Variants in CTNNA3 observed in about 807,000 individuals in gnomAD.
CTNNA3 encodes catenin alpha 3, also known as catenin alpha-3.
CTNNA3 carries 76 observed loss-of-function variants against 95.7 expected under a neutral mutation model. That is an observed-to-expected ratio of 0.79 (90% confidence interval 0.66 to 0.96). CTNNA3 has a LOEUF of 0.96. Ranked by LOEUF, CTNNA3 falls within the 40% of genes least tolerant of loss-of-function variation. The probability of loss-of-function intolerance (pLI) is 0.00; values close to 1 mark genes in which losing one functional copy is unlikely to be tolerated. For missense variants in CTNNA3, 1,191 were observed against 1,089.8 expected (o/e 1.09, Z -1.31); for synonymous variants, 431 against 374.4 (o/e 1.15, Z -1.74).
chr10:67,124,718 C>A (rs1341983392), intron 7 of CTNNA3, among the ~76,000 whole-genome samples: 1 of 152,148 alleles, frequency 6.6e-6, no homozygotes. Context: ...CAAGATAATT[C>A]ATTTATAGCC....
chr10:67,398,823 T>TC (rs1277807073), intron 5 of CTNNA3, among the ~76,000 whole-genome samples: 1 of 152,094 alleles, frequency 6.6e-6, no homozygotes. Context: ...AAGGGGCTTT[T>TC]CCCCCTTTTG....
intron 1 of CTNNA3, among the ~76,000 whole-genome samples, chr10:67,733,357 C>A (rs758877350): frequency 6.6e-6 from 1 of 152,102 alleles, no homozygotes. Context: ...TATTTGAATG[C>A]GTTAAAGGTA....
At position 67,105,235 on chromosome 10, in the gene CTNNA3, T is replaced by TGATAGATAGATAGATAGATAGATA. The variant is rs56678810; in HGVS notation, c.1047+75058_1047+75081dup. ...ATTTGTGATGGCAATACATATTAAA[T>TGATAGATAGATAGATAGATAGATA]GATAGATAGATAGATAGATAGATAG... On this transcript the variant is annotated intron_variant, in intron 7 of 17. Transcript: ENST00000433211. 5.1e-3 allele frequency among the ~76,000 whole-genome samples: 766 copies of TGATAGATAGATAGATAGATAGATA among 150,622 alleles called. 3 individuals are homozygous for TGATAGATAGATAGATAGATAGATA. Among genetic ancestry groups the TGATAGATAGATAGATAGATAGATA allele is most frequent in the Middle Eastern group, 0.014 (4 of 288 alleles).
intron 16 of CTNNA3, among the ~76,000 whole-genome samples, chr10:65,980,305 A>G (rs766070518): frequency 1.1e-4 from 16 of 151,888 alleles, no homozygotes; most frequent in Non-Finnish European, 2.2e-4. Flanking sequence ...CAGGTCAATA[A>G]TATGCAGCGA....
intron 11 of CTNNA3, among the ~76,000 whole-genome samples, chr10:66,404,888 G>A (rs2093045636): frequency 6.6e-6 from 1 of 151,930 alleles, no homozygotes; most frequent in Non-Finnish European, 1.5e-5. Flanking sequence ...GGACACCCCT[G>A]CTTTAGATCC....
intron 5 of CTNNA3, among the ~76,000 whole-genome samples, chr10:67,401,898 G>A (rs1299150069): frequency 6.6e-6 from 1 of 152,098 alleles, no homozygotes; most frequent in Non-Finnish European, 1.5e-5. Context: ...ACACCATACA[G>A]AGCCTTAGTT....
chr10:66,802,268 G>A (rs1841460052), intron 7 of CTNNA3, among the ~76,000 whole-genome samples: 1 of 151,680 alleles, frequency 6.6e-6, no homozygotes, highest in Admixed American at 6.6e-5. Flanking sequence ...GACACAAATT[G>A]AGAAATATTA....
At chr10:67,613,366 A>G (rs978055276) in intron 2 of CTNNA3, among the ~76,000 whole-genome samples, 1 of 151,944 alleles carries the variant, frequency 6.6e-6, no homozygotes, top group African/African-American at 2.4e-5. Context: ...ACAGTGGTTT[A>G]CTGGATGAAA....
intron 8 of CTNNA3, among the ~76,000 whole-genome samples, chr10:66,772,291 G>T (rs572571145): frequency 6.6e-6 from 1 of 152,082 alleles, no homozygotes; most frequent in South Asian, 2.1e-4. Flanking sequence ...AGGGTGTGGT[G>T]GCATGCATCT....
chr10:67,184,608 GATTA>G (rs1269678155), intron 6 of CTNNA3, among the ~76,000 whole-genome samples: 1 of 152,136 alleles, frequency 6.6e-6, no homozygotes, highest in Non-Finnish European at 1.5e-5. Context: ...ACATGAACAA[GATTA>G]ATTTTTTTCC....
chr10:67,635,403 C>T (rs939049048), intron 2 of CTNNA3, among the ~76,000 whole-genome samples: 2 of 152,008 alleles, frequency 1.3e-5, no homozygotes, highest in African/African-American at 2.4e-5. Context: ...TGATGAACAT[C>T]GATACAAAAA....
chr10:66,615,079 T>TG, intron 10 of CTNNA3, among the ~76,000 whole-genome samples: 1 of 152,142 alleles, frequency 6.6e-6, no homozygotes, highest in East Asian at 1.9e-4. Context: ...TAGCTCACTA[T>TG]GGCTTAAAAC....
intron 17 of CTNNA3, among the ~76,000 whole-genome samples, chr10:65,962,515 C>G (rs1258055024): frequency 6.6e-6 from 1 of 152,076 alleles, no homozygotes; most frequent in East Asian, 1.9e-4. Context: ...CCATTCTCAT[C>G]AATATTGCCC....
intron 7 of CTNNA3, among the ~76,000 whole-genome samples, chr10:67,145,491 C>T (rs926235914): frequency 1.3e-5 from 2 of 150,388 alleles, no homozygotes; most frequent in African/African-American, 2.5e-5. Flanking sequence ...AGTGCAGTGG[C>T]GCAATCTCGA....
intron 6 of CTNNA3, among the ~76,000 whole-genome samples, chr10:67,187,752 G>T (rs1862924142): frequency 6.6e-6 from 1 of 151,902 alleles, no homozygotes; most frequent in South Asian, 2.1e-4. Flanking sequence ...CACCCAGCTA[G>T]TTTTTGTAAT....
chr10:67,662,000 C>A (rs1840204428), intron 1 of CTNNA3, among the ~76,000 whole-genome samples: 2 of 152,108 alleles, frequency 1.3e-5, no homozygotes, highest in African/African-American at 2.4e-5. Flanking sequence ...TAAACATATA[C>A]CCACTCTATA....
At chr10:67,172,562 A>T (rs1243659659) in intron 7 of CTNNA3, among the ~76,000 whole-genome samples, 2 of 152,114 alleles carry the variant, frequency 1.3e-5, no homozygotes, top group Non-Finnish European at 2.9e-5. Flanking sequence ...ACACACACAC[A>T]CTATAGTCAT....
intron 6 of CTNNA3, among the ~76,000 whole-genome samples, chr10:67,183,471 T>C (rs1025123746): frequency 7.3e-5 from 11 of 150,808 alleles, no homozygotes; most frequent in Admixed American, 6.6e-4. Context: ...CTCTCACTCA[T>C]AGGTGGGAAT....
intron 7 of CTNNA3, among the ~76,000 whole-genome samples, chr10:66,963,489 G>A (rs987589875): frequency 9.9e-5 from 15 of 152,122 alleles, no homozygotes; most frequent in African/African-American, 3.1e-4. Context: ...AAGTAGATGT[G>A]AGCAAATAAT....
Sources: gnomAD v4.1 joint callset for allele counts (sites outside exome capture counted in the v4.1 genomes callset) on GRCh38, gnomAD v4.1.1 for gene constraint, MANE v1.5 for transcripts, NCBI Gene and HGNC (gene_info 2026-07-23, HGNC 2026-07-21) for gene names.